The following PRKD1 variants were observed in gnomAD, a reference collection of about 807,000 sequenced individuals.
PRKD1 encodes serine/threonine-protein kinase D1.
A neutral mutation model predicts 95.9 loss-of-function variants in PRKD1; 63 were observed. The ratio of observed to expected loss-of-function variants is 0.66; its 90% CI spans 0.54 to 0.81. The LOEUF is 0.81. Among genes scored for constraint, PRKD1 ranks in the 30% least tolerant of loss-of-function variants. The pLI is 0.00. For synonymous variants in PRKD1, 425 were observed against 423.1 expected (o/e 1.00, Z -0.05); for missense variants, 1,048 against 1,165.3 (o/e 0.90, Z 1.47).
At chr14:29,884,418 T>C (rs567253982) in intron 1 of PRKD1, among the ~76,000 whole-genome samples, 60 of 152,028 alleles carry the variant, frequency 3.9e-4, no homozygotes, top group Non-Finnish European at 7.9e-4. Flanking sequence ...ACTAATACAT[T>C]ATTACATTTC....
chr14:29,717,087 T>G (rs1333919221), intron 2 of PRKD1, among the ~76,000 whole-genome samples: 2 of 152,228 alleles, frequency 1.3e-5, no homozygotes, highest in Non-Finnish European at 2.9e-5. Context: ...TACAACAACA[T>G]TAACTTTTGG....
chr14:29,753,428 G>T (rs1452204842), intron 1 of PRKD1, among the ~76,000 whole-genome samples: 1 of 152,054 alleles, frequency 6.6e-6, no homozygotes, highest in Non-Finnish European at 1.5e-5. Context: ...TACTTAGGCT[G>T]TTTTTTCACA....
At chr14:29,851,271 T>A (rs929025311) in intron 1 of PRKD1, among the ~76,000 whole-genome samples, 6 of 151,920 alleles carry the variant, frequency 3.9e-5, no homozygotes, top group Non-Finnish European at 8.8e-5. Flanking sequence ...AAATAAACAA[T>A]CAACATAGTA....
chr14:29,693,654 A>C (rs56380211), intron 2 of PRKD1, among the ~76,000 whole-genome samples: 1,324 of 122,826 alleles, frequency 0.011, 12 homozygotes, highest in East Asian at 0.034. Context: ...ACAACAACAA[A>C]AAAAAAAAAC....
rs1227195990 is a variant in PRKD1 at position 29,853,208 on chromosome 14, CTAA to C, written c.264+74038_264+74040del. Reference sequence around the variant, plus strand: ...ATAACAATCATAAATGTTCATACACCTAATAATAGATCATCAAATTATATGAAG... The same window carrying C: ...ATAACAATCATAAATGTTCATACACCTAATAGATCATCAAATTATATGAAG... On this transcript the variant is annotated intron_variant, in intron 1 of 17. Coordinates refer to ENST00000331968, the MANE Select transcript of PRKD1 (RefSeq NM_002742.3). 2.0e-5 allele frequency among the ~76,000 whole-genome samples: 3 copies of C among 152,108 alleles called. No homozygotes were observed. In the East Asian group the frequency reaches 5.8e-4, roughly 29 times the overall value.
chr14:29,894,633 C>A (rs189228015), intron 1 of PRKD1, among the ~76,000 whole-genome samples: 1 of 152,056 alleles, frequency 6.6e-6, no homozygotes, highest in Non-Finnish European at 1.5e-5. Context: ...CTATCTAGGA[C>A]CATGGGGTTA....
At chr14:29,904,616 G>A (rs1894432246) in intron 1 of PRKD1, among the ~76,000 whole-genome samples, 1 of 152,084 alleles carries the variant, frequency 6.6e-6, no homozygotes, top group Non-Finnish European at 1.5e-5. Context: ...AGCAATAATT[G>A]CTATTATATT....
At chr14:29,656,634 A>C in intron 4 of PRKD1, 1 of 992,046 alleles carries the variant, frequency 1.0e-6, no homozygotes, top group Non-Finnish European at 1.5e-6. Context: ...TGCTTTCAAA[A>C]AAAAGCAAAA....
chr14:29,589,708 T>C (rs1566470392), intron 16 of PRKD1, among the ~76,000 whole-genome samples: 1 of 152,148 alleles, frequency 6.6e-6, no homozygotes, highest in Non-Finnish European at 1.5e-5. Flanking sequence ...GTACTCTATT[T>C]ACTCCATTTA....
intron 1 of PRKD1, among the ~76,000 whole-genome samples, chr14:29,836,189 C>A (rs1327072450): frequency 6.6e-6 from 1 of 152,106 alleles, no homozygotes; most frequent in Non-Finnish European, 1.5e-5. Flanking sequence ...TACCCAACTG[C>A]AAAACAAACA....
rs1400122221 is a variant in PRKD1, at chr14:29,679,292, A to C, written c.404-13084T>G. On this transcript the variant is annotated intron_variant, in intron 2 of 17. Coordinates refer to ENST00000331968, the MANE Select transcript of PRKD1 (RefSeq NM_002742.3). ...ACGATTCTGAGCAAAAATGTTCCAAAAGGTGATTTTGCCTGTGGGTTTTTA... is the reference window on the plus strand; with the variant it reads ...ACGATTCTGAGCAAAAATGTTCCAACAGGTGATTTTGCCTGTGGGTTTTTA... Among the ~76,000 whole-genome samples the C allele has an allele frequency of 3.3e-5, 5 of 152,190 alleles. No individual in the cohort carries two copies. The East Asian group carries it at 5.8e-4, about 18-fold the overall frequency.
chr14:29,576,925 C>G lies in PRKD1; in HGVS notation c.*313G>C, dbSNP rs571362406. The G allele has an allele frequency of 2.2e-5, 8 of 365,082 alleles. No individual in the cohort carries two copies. The highest frequency in any genetic ancestry group is 1.4e-4 in the African/African-American group (7 of 48,516). 22.6% of individuals were successfully genotyped at this position (365,082 alleles called of 1,614,324 possible). ...TTCTGTCTCTTACCAAAATGAAGCTCCAGTAAGAAAAACACTGATTTGCAA... is the reference window on the plus strand; with the variant it reads ...TTCTGTCTCTTACCAAAATGAAGCTGCAGTAAGAAAAACACTGATTTGCAA... On this transcript the variant is annotated 3_prime_UTR_variant, in exon 18 of 18. Transcript: ENST00000331968.
At chr14:29,617,349 C>T (rs1878937089) in intron 13 of PRKD1, among the ~76,000 whole-genome samples, 2 of 152,034 alleles carry the variant, frequency 1.3e-5, no homozygotes, top group Non-Finnish European at 2.9e-5. Flanking sequence ...AGCTACTGTG[C>T]CCAGCCATTG....
intron 4 of PRKD1, among the ~76,000 whole-genome samples, chr14:29,663,405 C>A (rs1882300065): frequency 6.6e-6 from 1 of 151,976 alleles, no homozygotes; most frequent in African/African-American, 2.4e-5. Context: ...CAAATTTTGA[C>A]AAGCGATGTT....
intron 12 of PRKD1, among the ~76,000 whole-genome samples, chr14:29,624,949 G>T (rs1879521736): frequency 6.6e-6 from 1 of 151,990 alleles, no homozygotes; most frequent in Non-Finnish European, 1.5e-5. Context: ...CTATATTGTG[G>T]TAGGTACAAA....
chr14:29,597,200 C>T (rs1893337895), intron 16 of PRKD1, among the ~76,000 whole-genome samples: 1 of 152,034 alleles, frequency 6.6e-6, no homozygotes, highest in Non-Finnish European at 1.5e-5. Context: ...TAAGCCCTTA[C>T]TAATAATTCA....
intron 1 of PRKD1, among the ~76,000 whole-genome samples, chr14:29,853,798 G>C (rs561523995): frequency 6.6e-6 from 1 of 152,284 alleles, no homozygotes; most frequent in East Asian, 1.9e-4. Flanking sequence ...TGAATCATGG[G>C]CGCAGGTCTT....
chr14:29,605,149 A>G lies in PRKD1; in HGVS notation c.1906-5332T>C, dbSNP rs548931516. The stretch of plus-strand genomic sequence containing the variant: ...CATCTCTTTTACAGGGATCCACCAC[A>G]GCATCCCAACTGATCTGGCCTTAGG... On this transcript the variant is annotated intron_variant, in intron 13 of 17. Coordinates refer to ENST00000331968, the MANE Select transcript of PRKD1 (RefSeq NM_002742.3). Among the ~76,000 whole-genome samples, 3 of 152,206 alleles carry G rather than the reference A, an allele frequency of 2.0e-5. No individual in the cohort carries two copies. In the South Asian group the frequency reaches 6.2e-4, roughly 32 times the overall value.
At chr14:29,918,504 C>T (rs1028387583) in intron 1 of PRKD1, among the ~76,000 whole-genome samples, 20 of 152,174 alleles carry the variant, frequency 1.3e-4, no homozygotes, top group African/African-American at 4.6e-4. Context: ...TTCACCTGCT[C>T]ACAGTAGCTG....
Sources: allele counts gnomAD v4.1 joint callset (sites outside exome capture counted in the v4.1 genomes callset), GRCh38; gene constraint gnomAD v4.1.1; transcripts MANE v1.5; gene names NCBI Gene and HGNC (gene_info 2026-07-23, HGNC 2026-07-21).